The following CHRM3 variants were observed in gnomAD, a reference collection of about 807,000 sequenced individuals.
CHRM3 encodes the protein cholinergic receptor muscarinic 3, also known as muscarinic acetylcholine receptor M3.
CHRM3 carries 11 observed loss-of-function variants against 41.8 expected under a neutral mutation model. That is an observed-to-expected ratio of 0.26 (90% CI 0.17 to 0.44). The LOEUF (loss-of-function observed/expected upper bound fraction) is 0.44. CHRM3 is among the 20% of genes least tolerant of loss of function. CHRM3 has a pLI of 1.00. For synonymous variants in CHRM3, 297 were observed against 301.4 expected (o/e 0.99, Z 0.15); for missense variants, 571 against 745.4 (o/e 0.77, Z 2.72).
intron 1 of CHRM3, among the ~76,000 whole-genome samples, chr1:239,460,705 A>G (rs1297344608): frequency 1.3e-5 from 2 of 152,226 alleles, no homozygotes; most frequent in African/African-American, 4.8e-5. Flanking sequence ...TGATATAAAA[A>G]TTAGCAGAAG....
chr1:239,597,853 T>C (rs556573701), intron 3 of CHRM3, among the ~76,000 whole-genome samples: 25 of 114,378 alleles, frequency 2.2e-4, no homozygotes, highest in Non-Finnish European at 4.1e-4. Flanking sequence ...AAAAAAACTG[T>C]CAGAGTTTTT....
intron 5 of CHRM3, among the ~76,000 whole-genome samples, chr1:239,821,158 G>T (rs1157544215): frequency 3.9e-5 from 6 of 152,156 alleles, no homozygotes; most frequent in Non-Finnish European, 8.8e-5. Flanking sequence ...TTGTGGTATG[G>T]TTGTTTTTTA....
intron 4 of CHRM3, among the ~76,000 whole-genome samples, chr1:239,660,773 A>T (rs1284817512): frequency 6.6e-6 from 1 of 152,084 alleles, no homozygotes; most frequent in African/African-American, 2.4e-5. Context: ...AATTCCACCT[A>T]TTCTGAAGGC....
At chr1:239,837,648 T>C (rs1179122264) in intron 6 of CHRM3, among the ~76,000 whole-genome samples, 2 of 152,224 alleles carry the variant, frequency 1.3e-5, no homozygotes, top group Non-Finnish European at 2.9e-5. Flanking sequence ...CAGCAAAATA[T>C]CTTTGTGCTT....
At chr1:239,644,005 G>A (rs754567446) in intron 4 of CHRM3, among the ~76,000 whole-genome samples, 1 of 152,168 alleles carries the variant, frequency 6.6e-6, no homozygotes, top group African/African-American at 2.4e-5. Flanking sequence ...CCATTCAGAA[G>A]TTTCTTGTAA....
intron 5 of CHRM3, among the ~76,000 whole-genome samples, chr1:239,776,405 T>A (rs535623030): frequency 7.2e-5 from 11 of 152,324 alleles, no homozygotes; most frequent in African/African-American, 2.6e-4. Context: ...AGTTTTTAAA[T>A]GGTCCCAGTG....
At chr1:239,409,735 G>A (rs1331231198) in intron 1 of CHRM3, among the ~76,000 whole-genome samples, 2 of 152,224 alleles carry the variant, frequency 1.3e-5, no homozygotes, top group African/African-American at 4.8e-5. Flanking sequence ...GAGGTCAGGA[G>A]ATCGAGACCT....
At chr1:239,453,662 G>A (rs1452997357) in intron 1 of CHRM3, among the ~76,000 whole-genome samples, 1 of 152,090 alleles carries the variant, frequency 6.6e-6, no homozygotes, top group Non-Finnish European at 1.5e-5. Flanking sequence ...ATTCTACTAG[G>A]CATTAATTTT....
chr1:239,624,457 C>G (rs1214578495), intron 3 of CHRM3, among the ~76,000 whole-genome samples: 4 of 92,422 alleles, frequency 4.3e-5, no homozygotes, highest in African/African-American at 1.7e-4. Context: ...GTTGCCTGTT[C>G]ACTCTGATGG....
chr1:239,709,278 T>C lies in CHRM3; in HGVS notation c.-147+30990T>C, dbSNP rs116727958. Among the ~76,000 whole-genome samples the C allele has an allele frequency of 6.9e-3, 1,056 of 152,296 alleles. 15 individuals carry two copies. Among genetic ancestry groups the C allele is most frequent in the African/African-American group, 0.025 (1,025 of 41,566 alleles). On this transcript the variant is annotated intron_variant, in intron 5 of 6. Transcript: ENST00000676153. ...AGTCTTTGTTTTCTGGGTTATTTTG[T>C]CTAATACTTTTTCAGACTGCCTGCT...
chr1:239,473,413 A>G (rs915460537), intron 1 of CHRM3, among the ~76,000 whole-genome samples: 2 of 152,190 alleles, frequency 1.3e-5, no homozygotes, highest in Non-Finnish European at 2.9e-5. Context: ...AATTGGAAAG[A>G]AAAGAATAGG....
intron 5 of CHRM3, among the ~76,000 whole-genome samples, chr1:239,750,804 T>G (rs1445823443): frequency 6.6e-6 from 1 of 152,370 alleles, no homozygotes; most frequent in East Asian, 1.9e-4. Flanking sequence ...CTATGTTTTC[T>G]GGTTGGTAGG....
chr1:239,713,326 C>T (rs56810287), intron 5 of CHRM3, among the ~76,000 whole-genome samples: 2,035 of 152,224 alleles, frequency 0.013, 44 homozygotes, highest in African/African-American at 0.046. Flanking sequence ...ACACTATTTG[C>T]TCTGTAATTA....
At chr1:239,879,937 A>C (rs906920756) in intron 6 of CHRM3, among the ~76,000 whole-genome samples, 3 of 152,250 alleles carry the variant, frequency 2.0e-5, no homozygotes, top group Admixed American at 2.0e-4. Flanking sequence ...ATTAATGTAT[A>C]TGATATTCCA....
intron 6 of CHRM3, among the ~76,000 whole-genome samples, chr1:239,900,625 T>C (rs1052841538): frequency 3.3e-5 from 5 of 151,894 alleles, no homozygotes; most frequent in Non-Finnish European, 5.9e-5. Flanking sequence ...TATGAATAGA[T>C]TGGGGAGCAC....
At chr1:239,806,503 A>G (rs1670665246) in intron 5 of CHRM3, among the ~76,000 whole-genome samples, 1 of 152,114 alleles carries the variant, frequency 6.6e-6, no homozygotes, top group African/African-American at 2.4e-5. Flanking sequence ...GGGTGTGCTT[A>G]GGAAAAAATA....
intron 6 of CHRM3, among the ~76,000 whole-genome samples, chr1:239,906,163 G>A (rs181599425): frequency 6.6e-6 from 1 of 152,148 alleles, no homozygotes; most frequent in African/African-American, 2.4e-5. Context: ...ATGCCAGAAA[G>A]CCTTTCCAGA....
chr1:239,905,788 A>G (rs1679923575), intron 6 of CHRM3, among the ~76,000 whole-genome samples: 3 of 152,206 alleles, frequency 2.0e-5, no homozygotes, highest in African/African-American at 7.2e-5. Context: ...AATTTCTACT[A>G]ACATTTATTA....
At chr1:239,855,229 A>G (rs762914160) in intron 6 of CHRM3, among the ~76,000 whole-genome samples, 69 of 152,180 alleles carry the variant, frequency 4.5e-4, no homozygotes, top group Non-Finnish European at 8.5e-4. Context: ...GGTCAGGATA[A>G]TCACAAAGTC....
Sources: gnomAD v4.1 joint callset for allele counts (sites outside exome capture counted in the v4.1 genomes callset) on GRCh38, gnomAD v4.1.1 for gene constraint, MANE v1.5 for transcripts, NCBI Gene and HGNC (gene_info 2026-07-23, HGNC 2026-07-21) for gene names.